TG: variants seen among roughly 807,000 people sequenced by gnomAD.
The protein encoded by TG is thyroglobulin.
TG carries 270 observed loss-of-function variants against 324.7 expected under a neutral mutation model. That is an observed-to-expected ratio of 0.83 (90% confidence interval 0.75 to 0.92). The LOEUF (loss-of-function observed/expected upper bound fraction) is 0.92, where lower values mean the gene tolerates loss of function less well. Among genes scored for constraint, TG ranks in the 40% least tolerant of loss-of-function variants. TG has a pLI of 0.00. For missense variants in TG, 3,591 were observed against 3,456.4 expected, an observed-to-expected ratio of 1.04 and a Z score of -0.98; for synonymous variants, 1,401 against 1,327.0, an observed-to-expected ratio of 1.06 and a Z score of -1.21.
intron 38 of TG, 129 bp downstream of exon 38, chr8:133,018,126 T>C: frequency 1.1e-6 from 1 of 884,034 alleles, no homozygotes; most frequent in Non-Finnish European, 1.8e-6. Context: ...ATGGAATATA[T>C]TAGCTAAGAT....
intron 35 of TG, among the ~76,000 whole-genome samples, chr8:133,005,819 G>A (rs1192581006): frequency 2.0e-5 from 3 of 152,296 alleles, no homozygotes; most frequent in South Asian, 4.1e-4. Context: ...GGTGTGCAGA[G>A]GGCTGTGTGG....
intron 41 of TG, among the ~76,000 whole-genome samples, chr8:133,042,146 C>T (rs909607581): frequency 8.5e-5 from 13 of 152,100 alleles, no homozygotes; most frequent in African/African-American, 3.1e-4. Context: ...GATGAAGTAA[C>T]TTACTCAGGG....
chr8:133,038,181 G>A (rs1837429206), intron 41 of TG: 1 of 323,952 alleles, frequency 3.1e-6, no homozygotes, highest in South Asian at 3.0e-5. Flanking sequence ...GACAGGTCCA[G>A]TTCCTTGGAG....
rs553761891 is a variant in TG, at chr8:132,902,043, TATA to T, written c.3634+491_3634+493del. On this transcript the variant is annotated intron_variant, in intron 16 of 47. Coordinates refer to ENST00000220616, the MANE Select transcript of TG (RefSeq NM_003235.5). ...TGAACTATATTGTTAAATATTAAAA[TATA>T]TTATTATTGATTTTTAACCTTTTAT... Among the ~76,000 whole-genome samples the T allele has an allele frequency of 1.1e-4, 16 of 152,308 alleles. No homozygotes were observed. The East Asian group carries it at 3.1e-3, about 29-fold the overall frequency.
chr8:133,070,354 G>GT (rs11394917), intron 41 of TG, among the ~76,000 whole-genome samples: 29,635 of 152,200 alleles, frequency 0.19, 3,180 homozygotes, highest in Non-Finnish European at 0.24. Context: ...TTTTGGAACA[G>GT]TTGCCCACAG....
chr8:133,046,738 G>T (rs1462760146), intron 41 of TG, among the ~76,000 whole-genome samples: 1 of 152,192 alleles, frequency 6.6e-6, no homozygotes, highest in Non-Finnish European at 1.5e-5. Context: ...AGGATGTTTT[G>T]CTTTTGCATT....
At chr8:132,924,452 C>T (rs1563961177) in intron 22 of TG, among the ~76,000 whole-genome samples, 1 of 152,108 alleles carries the variant, frequency 6.6e-6, no homozygotes, top group Non-Finnish European at 1.5e-5. Flanking sequence ...GAGCAAGTTG[C>T]TCAATCCCTC....
At chr8:132,927,836 C>G (rs186538462) in intron 22 of TG, among the ~76,000 whole-genome samples, 7 of 152,322 alleles carry the variant, frequency 4.6e-5, no homozygotes, top group Non-Finnish European at 7.3e-5. Context: ...ATGATTATAA[C>G]ATGGCATTTG....
At chr8:133,058,191 A>G (rs975685458) in intron 41 of TG, among the ~76,000 whole-genome samples, 14 of 152,330 alleles carry the variant, frequency 9.2e-5, no homozygotes, top group South Asian at 2.1e-4. Context: ...TCAAGTAGGT[A>G]GAAGAGAAAA....
chr8:133,107,660 C>T (rs866354103), intron 43 of TG, among the ~76,000 whole-genome samples: 1 of 152,182 alleles, frequency 6.6e-6, no homozygotes, highest in African/African-American at 2.4e-5. Context: ...GAATTTATCT[C>T]CCACTATTTG....
chr8:132,906,693 C>T lies in TG; in HGVS notation c.3640C>T (p.Arg1214Trp), dbSNP rs751074855. Reference protein sequence around the residue: ...TGGQPACESPRCPLPFNASEV... With the variant: ...TGGQPACESPWCPLPFNASEV... ...CTCCACTTTCCTTCTCCCAGGCCCG[C>T]GGTGTCCGCTGCCATTCAACGCGTC... The change falls in exon 17 of 48, where the codon CGG (arginine) becomes TGG (tryptophan). Residue 1214 changes from arginine (R) to tryptophan (W), a missense_variant. Physicochemically the swap from Arg to Trp is moderately radical, Grantham distance 101. Coordinates refer to ENST00000220616, the MANE Select transcript of TG (RefSeq NM_003235.5). 9.3e-6 allele frequency: 15 copies of T among 1,613,938 alleles called. No individual in the cohort carries two copies. The highest frequency in any genetic ancestry group is 4.4e-5 in the South Asian group (4 of 91,078).
chr8:133,060,818 G>A (rs1842266523), intron 41 of TG, among the ~76,000 whole-genome samples: 2 of 152,198 alleles, frequency 1.3e-5, no homozygotes, highest in African/African-American at 4.8e-5. Context: ...CCATTGTGCA[G>A]TGAGGGAAAC....
rs1836456571 is a variant in TG, at chr8:133,029,852, G to GC, written c.7069dup (p.Leu2357ProfsTer34). 1.2e-6 allele frequency: 2 copies of GC among 1,614,090 alleles called. No homozygotes were observed. The highest frequency in any genetic ancestry group is 2.2e-5 in the South Asian group (2 of 91,092). On this transcript the variant is annotated frameshift_variant, in exon 41 of 48. Transcript: ENST00000220616. LOFTEE classifies it high-confidence loss of function. Reference sequence around the variant, plus strand: ...GAGAGGTGAGTGGCAACTGGGGGCTGCTGGACCAGGTGGCGGCTCTGACCT... The same window carrying GC: ...GAGAGGTGAGTGGCAACTGGGGGCTGCCTGGACCAGGTGGCGGCTCTGACCT...
intron 23 of TG, 127 bp from the exon 24 acceptor site, chr8:132,933,434 T>TTGTATG: frequency 1.5e-6 from 1 of 680,232 alleles, no homozygotes; most frequent in East Asian, 2.8e-5. Flanking sequence ...ATCTGCATAT[T>TTGTATG]TGTGTGTGTG....
At chr8:132,989,504 G>C (rs1832037486) in intron 35 of TG, among the ~76,000 whole-genome samples, 1 of 152,208 alleles carries the variant, frequency 6.6e-6, no homozygotes, top group Non-Finnish European at 1.5e-5. Flanking sequence ...GGAGCGAAGA[G>C]AGATGTCTCG....
At chr8:133,081,046 G>T (rs1845668709) in intron 41 of TG, among the ~76,000 whole-genome samples, 1 of 152,250 alleles carries the variant, frequency 6.6e-6, no homozygotes, top group Admixed American at 6.5e-5. Flanking sequence ...GGGACTCTCT[G>T]ATTCTTTCTC....
At chr8:132,968,568 C>T (rs907017486) in intron 31 of TG, among the ~76,000 whole-genome samples, 1 of 152,166 alleles carries the variant, frequency 6.6e-6, no homozygotes, top group Admixed American at 6.5e-5. Context: ...TCTATCTTCT[C>T]TGTTGGATGT....
chr8:133,033,911 A>T (rs2131011270), intron 41 of TG, among the ~76,000 whole-genome samples: 1 of 152,368 alleles, frequency 6.6e-6, no homozygotes, highest in Admixed American at 6.5e-5. Context: ...TTGAAAACTT[A>T]TATGAGTTTA....
chr8:132,933,454 G>C, intron 23 of TG, 107 bp from the exon 24 acceptor site: 1 of 803,640 alleles, frequency 1.2e-6, no homozygotes, highest in Admixed American at 1.8e-5. Flanking sequence ...GTGTGTGTGT[G>C]TGTGTGTGTG....
Sources: allele counts gnomAD v4.1 joint callset (sites outside exome capture counted in the v4.1 genomes callset), GRCh38; gene constraint gnomAD v4.1.1; transcripts MANE v1.5; gene names NCBI Gene and HGNC (gene_info 2026-07-23, HGNC 2026-07-21).